Variants in SNX30 observed in about 807,000 individuals in gnomAD.
SNX30 encodes the protein sorting nexin family member 30.
SNX30 carries 24 observed loss-of-function variants against 46.4 expected under a neutral mutation model. The ratio of observed to expected loss-of-function variants is 0.52; its 90% CI spans 0.37 to 0.73. SNX30 has a LOEUF of 0.73. SNX30 is among the 30% of genes least tolerant of loss of function. The probability of loss-of-function intolerance (pLI) is 0.00; values close to 1 mark genes in which losing one functional copy is unlikely to be tolerated. For synonymous variants in SNX30, 189 were observed against 211.5 expected (o/e 0.89, Z 0.92); for missense variants, 533 against 555.7 (o/e 0.96, Z 0.41).
chr9:112,755,382 G>C (rs1417262216), intron 1 of SNX30, among the ~76,000 whole-genome samples: 2 of 152,152 alleles, frequency 1.3e-5, no homozygotes. Context: ...GCCAGGTAGA[G>C]TGAGCATTGG....
chr9:112,832,479 T>A (rs1840678217), intron 4 of SNX30, among the ~76,000 whole-genome samples: 1 of 135,804 alleles, frequency 7.4e-6, no homozygotes, highest in African/African-American at 3.1e-5. Flanking sequence ...TGTGTGTGTG[T>A]GTGTGTGTGT....
intron 1 of SNX30, among the ~76,000 whole-genome samples, chr9:112,780,399 C>T (rs1839826801): frequency 6.6e-6 from 1 of 152,056 alleles, no homozygotes; most frequent in African/African-American, 2.4e-5. Flanking sequence ...TATTTTACTA[C>T]GGTTAAAAAA....
At chr9:112,777,143 C>G (rs1839759531) in intron 1 of SNX30, among the ~76,000 whole-genome samples, 1 of 152,134 alleles carries the variant, frequency 6.6e-6, no homozygotes, top group Non-Finnish European at 1.5e-5. Context: ...AAATTTGATC[C>G]TGTTTGCTGT....
chr9:112,854,070 G>A (rs1290358232), intron 7 of SNX30, among the ~76,000 whole-genome samples: 1 of 152,226 alleles, frequency 6.6e-6, no homozygotes, highest in Non-Finnish European at 1.5e-5. Context: ...CTGAATACGA[G>A]CTTTCTCAGA....
intron 4 of SNX30, among the ~76,000 whole-genome samples, chr9:112,835,085 C>T (rs4979161): frequency 0.14 from 21,474 of 152,160 alleles, 1,871 homozygotes; most frequent in Admixed American, 0.21. Flanking sequence ...CATCAGGCCA[C>T]GTCACCAGAA....
At chr9:112,764,800 T>G (rs1461214361) in intron 1 of SNX30, among the ~76,000 whole-genome samples, 1 of 152,198 alleles carries the variant, frequency 6.6e-6, no homozygotes, top group Non-Finnish European at 1.5e-5. Flanking sequence ...AGCAAAAAGG[T>G]GAGCCTATAG....
chr9:112,849,533 G>A (rs1329657824), intron 6 of SNX30, among the ~76,000 whole-genome samples: 2 of 152,266 alleles, frequency 1.3e-5, no homozygotes, highest in South Asian at 2.1e-4. Context: ...GTGTGGGGAG[G>A]GAATGTCAGG....
intron 2 of SNX30, among the ~76,000 whole-genome samples, chr9:112,808,846 T>C (rs1166983430): frequency 6.6e-6 from 1 of 152,152 alleles, no homozygotes; most frequent in Non-Finnish European, 1.5e-5. Context: ...TTCCATTGTA[T>C]GGATGTGCCC....
At chr9:112,859,602 G>C (rs1444189585) in intron 7 of SNX30, among the ~76,000 whole-genome samples, 1 of 152,140 alleles carries the variant, frequency 6.6e-6, no homozygotes, top group Non-Finnish European at 1.5e-5. Flanking sequence ...GTTTCCCTAT[G>C]TTCTTACCAA....
chr9:112,797,711 C>CTTTTTTTTTTTTT (rs71384277), intron 1 of SNX30, among the ~76,000 whole-genome samples: 34 of 121,314 alleles, frequency 2.8e-4, no homozygotes, highest in Non-Finnish European at 3.8e-4. Context: ...TTTTCTTTTT[C>CTTTTTTTTTTTTT]TTTTTTTTTT....
intron 1 of SNX30, among the ~76,000 whole-genome samples, chr9:112,780,108 T>C (rs1839822765): frequency 6.6e-6 from 1 of 152,202 alleles, no homozygotes; most frequent in Admixed American, 6.5e-5. Context: ...GCACCTGCTG[T>C]TCTTCTAAGC....
Position 112,750,894 on chromosome 9 carries a change from C to G in SNX30, c.-108C>G, listed in dbSNP as rs949527815. ...GCCCCCAGCACGGCCGGTGCAAGGC[C>G]TCGGGTTAAGCGGCGGCCGAGCGGG... On this transcript the variant is annotated 5_prime_UTR_variant, in exon 1 of 9. Transcript: ENST00000374232. 4.2e-5 allele frequency: 44 copies of G among 1,060,108 alleles called. No individual in the cohort carries two copies. The highest frequency in any genetic ancestry group is 1.3e-5 in the Non-Finnish European group (11 of 869,036). The allele number at this position is 1,060,108 out of a possible 1,614,324, so 65.7% of individuals were successfully genotyped here.
intron 3 of SNX30, among the ~76,000 whole-genome samples, chr9:112,818,255 G>T (rs1156650687): frequency 1.4e-5 from 2 of 143,078 alleles, no homozygotes; most frequent in South Asian, 4.3e-4. Context: ...AGGCAGGTGC[G>T]CAATGGCATG....
rs558283175 is a variant in SNX30, at chr9:112,873,455, G to T, written c.*4612G>T. The T allele has an allele frequency of 1.3e-5, 2 of 152,284 alleles. No homozygotes were observed. Among genetic ancestry groups the T allele is most frequent in the African/African-American group, 4.8e-5 (2 of 41,554 alleles). 9.4% of individuals were successfully genotyped at this position (152,284 alleles called of 1,614,324 possible). A position where few individuals can be genotyped will look rare whatever the true frequency, so the allele number is the denominator to read the frequency against. ...CCTGGGTAGAAAGAGTTTTAGAAAT[G>T]TAATCAGTTGTTCAGCTTCAATAAT... On this transcript the variant is annotated 3_prime_UTR_variant, in exon 9 of 9. Transcript: ENST00000374232.
chr9:112,820,380 G>A (rs1840473419), intron 3 of SNX30, among the ~76,000 whole-genome samples: 1 of 152,160 alleles, frequency 6.6e-6, no homozygotes, highest in South Asian at 2.1e-4. Flanking sequence ...GCTAGGAGGT[G>A]TCTGTCTGTT....
chr9:112,753,506 C>G (rs1257875143), intron 1 of SNX30, among the ~76,000 whole-genome samples: 1 of 152,174 alleles, frequency 6.6e-6, no homozygotes, highest in Non-Finnish European at 1.5e-5. Flanking sequence ...GTCTCAGCTC[C>G]CGTATAGCTG....
At chr9:112,781,707 C>A (rs901844854) in intron 1 of SNX30, among the ~76,000 whole-genome samples, 1 of 152,136 alleles carries the variant, frequency 6.6e-6, no homozygotes, top group Non-Finnish European at 1.5e-5. Context: ...TCTGGGCTCA[C>A]TGTAATGTCC....
chr9:112,751,847 G>A (rs1353847322), intron 1 of SNX30, among the ~76,000 whole-genome samples: 1 of 152,096 alleles, frequency 6.6e-6, no homozygotes, highest in Admixed American at 6.6e-5. Flanking sequence ...TGTACGGAGG[G>A]AGGCTCCAGA....
At chr9:112,812,410 C>A (rs777622448) in intron 2 of SNX30, among the ~76,000 whole-genome samples, 1 of 152,088 alleles carries the variant, frequency 6.6e-6, no homozygotes, top group East Asian at 1.9e-4. Flanking sequence ...CATGGACCAC[C>A]GCACCCGGCT....
Sources: allele counts gnomAD v4.1 joint callset (sites outside exome capture counted in the v4.1 genomes callset), GRCh38; gene constraint gnomAD v4.1.1; transcripts MANE v1.5; gene names NCBI Gene and HGNC (gene_info 2026-07-23, HGNC 2026-07-21).